HDAC9: variants seen among roughly 807,000 people sequenced by gnomAD.
HDAC9 encodes the protein MEF-2 interacting transcription repressor (MITR) protein.
A neutral mutation model predicts 139.4 loss-of-function variants in HDAC9; 41 were observed. The ratio of observed to expected loss-of-function variants is 0.29; its 90% CI spans 0.23 to 0.38. The LOEUF is 0.38. HDAC9 is among the 10% of genes least tolerant of loss of function. The probability of loss-of-function intolerance (pLI) is 1.00; values close to 1 mark genes in which losing one functional copy is unlikely to be tolerated. For synonymous variants in HDAC9, 517 were observed against 476.2 expected, an observed-to-expected ratio of 1.09 and a Z score of -1.12; for missense variants, 1,147 against 1,297.0, an observed-to-expected ratio of 0.88 and a Z score of 1.78.
intron 2 of HDAC9, among the ~76,000 whole-genome samples, chr7:18,562,334 T>C (rs1360915243): frequency 1.3e-5 from 2 of 152,258 alleles, no homozygotes; most frequent in Non-Finnish European, 2.9e-5. Context: ...TATGTGTTTT[T>C]CTCTTATTGC....
chr7:18,585,615 C>T (rs1473779558), intron 3 of HDAC9, 93 bp downstream of exon 3: 1 of 1,438,504 alleles, frequency 7.0e-7, no homozygotes, highest in African/African-American at 1.4e-5. Context: ...CGGGTAGATT[C>T]ACTGTGATTA....
At chr7:18,955,199 T>C (rs1389167323) in intron 24 of HDAC9, among the ~76,000 whole-genome samples, 3 of 152,144 alleles carry the variant, frequency 2.0e-5, no homozygotes, top group South Asian at 2.1e-4. Context: ...AAGTCTCTGA[T>C]ATAAGCCTAA....
chr7:18,548,578 A>G (rs935267807), intron 2 of HDAC9, among the ~76,000 whole-genome samples: 8 of 152,222 alleles, frequency 5.3e-5, no homozygotes, highest in African/African-American at 9.6e-5. Context: ...ATGTGAGTCT[A>G]TTGGTGTAAC....
intron 1 of HDAC9, among the ~76,000 whole-genome samples, chr7:18,118,835 G>A (rs759587213): frequency 1.1e-4 from 16 of 152,148 alleles, no homozygotes; most frequent in Non-Finnish European, 1.8e-4. Flanking sequence ...TTGGAAGCTG[G>A]ACATCTGGGC....
chr7:18,622,789 G>A (rs998455908), intron 6 of HDAC9, among the ~76,000 whole-genome samples: 2 of 151,926 alleles, frequency 1.3e-5, no homozygotes, highest in African/African-American at 4.8e-5. Context: ...ACCACACAAT[G>A]TGGTATTGAA....
At chr7:18,362,127 T>G (rs1783830041) in intron 1 of HDAC9, among the ~76,000 whole-genome samples, 1 of 152,210 alleles carries the variant, frequency 6.6e-6, no homozygotes, top group African/African-American at 2.4e-5. Context: ...ATGAATTGTT[T>G]CTGGGAGAAC....
At chr7:18,426,456 TATA>T (rs1435755036) in intron 1 of HDAC9, among the ~76,000 whole-genome samples, 16 of 152,224 alleles carry the variant, frequency 1.1e-4, no homozygotes, top group Non-Finnish European at 2.2e-4. Flanking sequence ...GGGATAGCTA[TATA>T]ATTTACAATT....
intron 16 of HDAC9, among the ~76,000 whole-genome samples, chr7:18,784,935 G>A (rs1791567654): frequency 2.5e-5 from 3 of 120,416 alleles, no homozygotes; most frequent in Non-Finnish European, 3.5e-5. Context: ...TTAATAGGTA[G>A]CAATTGCTTG....
intron 1 of HDAC9, among the ~76,000 whole-genome samples, chr7:18,374,026 C>A: frequency 6.6e-6 from 1 of 151,792 alleles, no homozygotes; most frequent in East Asian, 1.9e-4. Flanking sequence ...ATTGAAATCA[C>A]AAAATGGAGT....
At chr7:18,321,532 T>C (rs1257054796) in intron 1 of HDAC9, among the ~76,000 whole-genome samples, 1 of 151,820 alleles carries the variant, frequency 6.6e-6, no homozygotes, top group Non-Finnish European at 1.5e-5. Context: ...AAAAAATGTT[T>C]GTGTTATTGT....
chr7:18,896,768 C>T (rs531199911), intron 22 of HDAC9, among the ~76,000 whole-genome samples: 5 of 152,128 alleles, frequency 3.3e-5, no homozygotes, highest in South Asian at 2.1e-4. Flanking sequence ...TCGGGTCACA[C>T]GCCACTCCTG....
At position 18,732,848 on chromosome 7, in the gene HDAC9, T is replaced by C. The variant is rs542857268; in HGVS notation, c.1909+5091T>C. Among the ~76,000 whole-genome samples, 266 of 57,234 alleles carry C rather than the reference T, an allele frequency of 4.6e-3. 18 individuals are homozygous for C. The highest frequency in any genetic ancestry group is 5.2e-3 in the Non-Finnish European group (154 of 29,566). The allele number at this position is 57,234 out of a possible 152,430, so 37.5% of individuals were successfully genotyped here. ...ATGTGTGCGTATGTGTACACACACG[T>C]GTGTATGTGTGCGTATGTGTACACA... On this transcript the variant is annotated intron_variant, in intron 13 of 25. Coordinates refer to ENST00000686413, the MANE Select transcript of HDAC9 (RefSeq NM_178425.4).
chr7:18,666,899 AG>A (rs1342043166), intron 12 of HDAC9: 3 of 998,026 alleles, frequency 3.0e-6, no homozygotes, highest in Non-Finnish European at 3.6e-6. Flanking sequence ...GCATTCGATT[AG>A]TTTTTGATTT....
At chr7:18,170,561 GT>G (rs146986627) in intron 2 of HDAC9, among the ~76,000 whole-genome samples, 4 of 151,548 alleles carry the variant, frequency 2.6e-5, no homozygotes, top group Non-Finnish European at 4.4e-5. Flanking sequence ...TTCTTCTAGG[GT>G]TTTTTTTATG....
chr7:18,509,746 A>AT lies in HDAC9; in HGVS notation c.22+13430dup, dbSNP rs147767510. On this transcript the variant is annotated intron_variant, in intron 2 of 25. Coordinates refer to ENST00000686413, the MANE Select transcript of HDAC9 (RefSeq NM_178425.4). ...TATTAATACTTCCCTAATTACGTGT[A>AT]TTTTTTTTCTCTTTCTCCCTTCTCT... 1.2e-3 allele frequency among the ~76,000 whole-genome samples: 177 copies of AT among 151,818 alleles called. 1 individual carries two copies. In the East Asian group the frequency reaches 0.032, roughly 28 times the overall value.
At chr7:18,116,148 A>C (rs959220373) in intron 1 of HDAC9, among the ~76,000 whole-genome samples, 3 of 152,212 alleles carry the variant, frequency 2.0e-5, no homozygotes, top group African/African-American at 7.2e-5. Context: ...ATGTTAATGA[A>C]AATTTGATAT....
At chr7:18,412,523 G>A (rs1258703708) in intron 1 of HDAC9, among the ~76,000 whole-genome samples, 2 of 152,106 alleles carry the variant, frequency 1.3e-5, no homozygotes, top group African/African-American at 4.8e-5. Context: ...TTACCATTTA[G>A]TGCCATAGGA....
intron 1 of HDAC9, among the ~76,000 whole-genome samples, chr7:18,422,742 GCGCA>G (rs56917051): frequency 0.64 from 86,793 of 135,764 alleles, 27,393 homozygotes; most frequent in East Asian, 0.72. Context: ...ACACACACAC[GCGCA>G]CACACACACA....
intron 1 of HDAC9, among the ~76,000 whole-genome samples, chr7:18,308,301 A>G (rs902736944): frequency 2.0e-5 from 3 of 152,202 alleles, no homozygotes; most frequent in Non-Finnish European, 2.9e-5. Flanking sequence ...AAGAAAATAA[A>G]TCACTGTTGT....
Sources: allele counts gnomAD v4.1 joint callset (sites outside exome capture counted in the v4.1 genomes callset), GRCh38; gene constraint gnomAD v4.1.1; transcripts MANE v1.5; gene names NCBI Gene and HGNC (gene_info 2026-07-23, HGNC 2026-07-21).